The following ATP8A1 variants were observed in gnomAD, a reference collection of about 807,000 sequenced individuals.
ATP8A1 encodes phospholipid-transporting ATPase IA.
A neutral mutation model predicts 177.7 loss-of-function variants in ATP8A1; 90 were observed. The observed-to-expected ratio is 0.51, with a 90% CI of 0.43 to 0.60. ATP8A1 has a LOEUF of 0.60. Among genes scored for constraint, ATP8A1 ranks in the 20% least tolerant of loss-of-function variants. The pLI is 0.00. For synonymous variants in ATP8A1, 493 were observed against 485.9 expected (o/e 1.01, Z -0.19); for missense variants, 1,072 against 1,392.8 (o/e 0.77, Z 3.67).
At chr4:42,429,837 C>A (rs964379284) in intron 33 of ATP8A1, among the ~76,000 whole-genome samples, 1 of 152,296 alleles carries the variant, frequency 6.6e-6, no homozygotes, top group South Asian at 2.1e-4. Flanking sequence ...CATGGATGAA[C>A]CCTGAATACA....
intron 22 of ATP8A1, among the ~76,000 whole-genome samples, chr4:42,513,472 G>A (rs913545195): frequency 6.6e-6 from 1 of 152,120 alleles, no homozygotes; most frequent in Non-Finnish European, 1.5e-5. Flanking sequence ...GCTGACACTT[G>A]ACTTTAAATA....
chr4:42,600,700 A>G (rs1269393169), intron 5 of ATP8A1, among the ~76,000 whole-genome samples, 182 bp from the exon 6 acceptor site: 2 of 152,212 alleles, frequency 1.3e-5, no homozygotes, highest in Non-Finnish European at 2.9e-5. Flanking sequence ...GAAACAACCA[A>G]TGTATATTTT....
chr4:42,448,392 C>CTTACTTTACTTTTTTTT lies in ATP8A1; in HGVS notation c.2897-1749_2897-1748insAAAAAAAAGTAAAGTAA, dbSNP rs1560335169. ...ACAAGTAGCCTCCCTCCCTCCTTCT[C>CTTACTTTACTTTTTTTT]TTTCTTTTCTTTTTTTTTTTTTTGA... On this transcript the variant is annotated intron_variant, in intron 30 of 36. Coordinates refer to ENST00000381668, the MANE Select transcript of ATP8A1 (RefSeq NM_006095.2). 5.7e-3 allele frequency among the ~76,000 whole-genome samples: 114 copies of CTTACTTTACTTTTTTTT among 19,900 alleles called. 4 individuals are homozygous for CTTACTTTACTTTTTTTT. Among genetic ancestry groups the CTTACTTTACTTTTTTTT allele is most frequent in the African/African-American group, 9.2e-3 (114 of 12,358 alleles). The allele number at this position is 19,900 out of a possible 152,430, so 13.1% of individuals were successfully genotyped here.
intron 33 of ATP8A1, among the ~76,000 whole-genome samples, chr4:42,431,160 TAA>T (rs1176894618): frequency 1.3e-5 from 2 of 152,212 alleles, no homozygotes; most frequent in African/African-American, 4.8e-5. Flanking sequence ...ACTAAGTTAC[TAA>T]GTTATTGAAA....
chr4:42,458,754 C>T (rs1241771610), intron 27 of ATP8A1, among the ~76,000 whole-genome samples: 1 of 152,192 alleles, frequency 6.6e-6, no homozygotes, highest in African/African-American at 2.4e-5. Flanking sequence ...AAATTTCAGA[C>T]CTGCTTCTCC....
chr4:42,445,561 T>C (rs557273753), intron 31 of ATP8A1, among the ~76,000 whole-genome samples: 1 of 152,356 alleles, frequency 6.6e-6, no homozygotes, highest in African/African-American at 2.4e-5. Context: ...TGATGTTTGC[T>C]AGCACTTGAT....
At chr4:42,446,080 C>CA (rs11311245) in intron 31 of ATP8A1, among the ~76,000 whole-genome samples, 32,715 of 64,008 alleles carry the variant, frequency 0.51, 8,903 homozygotes, top group Middle Eastern at 0.65. Flanking sequence ...AACGCCCTCT[C>CA]AAAAAAAAAA....
chr4:42,619,193 T>G (rs751490372), intron 4 of ATP8A1, among the ~76,000 whole-genome samples: 1 of 152,072 alleles, frequency 6.6e-6, no homozygotes, highest in Non-Finnish European at 1.5e-5. Flanking sequence ...GTCGATCTCT[T>G]CTATTGGATA....
At chr4:42,460,870 G>A (rs1719052957) in intron 27 of ATP8A1, among the ~76,000 whole-genome samples, 1 of 152,164 alleles carries the variant, frequency 6.6e-6, no homozygotes, top group Admixed American at 6.5e-5. Flanking sequence ...GATCTGCAGA[G>A]CTCCAACAGG....
At chr4:42,585,196 CTG>C (rs1244576044) in intron 9 of ATP8A1, among the ~76,000 whole-genome samples, 1 of 152,198 alleles carries the variant, frequency 6.6e-6, no homozygotes, top group Non-Finnish European at 1.5e-5. Flanking sequence ...ATGAGGCTAA[CTG>C]TGACCACCCT....
intron 5 of ATP8A1, among the ~76,000 whole-genome samples, chr4:42,615,236 C>T (rs1333507698): frequency 2.6e-5 from 4 of 151,928 alleles, no homozygotes; most frequent in Non-Finnish European, 4.4e-5. Flanking sequence ...GCATATAATG[C>T]CTATTGTGGG....
rs1187679683 is a variant in ATP8A1, at chr4:42,412,240, A to T, written c.*676T>A. On this transcript the variant is annotated 3_prime_UTR_variant, in exon 37 of 37. Transcript: ENST00000381668. ...GCAACATCACCGATTTTAGTAGCAA[A>T]TGCCTTGAAATATTCATTTTTGTAA... 1 of 152,216 alleles carries T rather than the reference A, an allele frequency of 6.6e-6. No homozygotes were observed. The highest frequency in any genetic ancestry group is 6.5e-5 in the Admixed American group (1 of 15,274). 9.4% of individuals were successfully genotyped at this position (152,216 alleles called of 1,614,324 possible). A position where few individuals can be genotyped will look rare whatever the true frequency, so the allele number is the denominator to read the frequency against.
At chr4:42,479,277 C>T (rs1721409967) in intron 25 of ATP8A1, among the ~76,000 whole-genome samples, 1 of 152,208 alleles carries the variant, frequency 6.6e-6, no homozygotes, top group Admixed American at 6.5e-5. Flanking sequence ...GCAAAGCCTA[C>T]AGATACTTAC....
chr4:42,452,620 T>A (rs1718049453), intron 29 of ATP8A1, among the ~76,000 whole-genome samples: 1 of 152,210 alleles, frequency 6.6e-6, no homozygotes, highest in Non-Finnish European at 1.5e-5. Context: ...ACTAAAGGCT[T>A]TCACAATTTA....
At chr4:42,436,798 A>G (rs1716049820) in intron 33 of ATP8A1, among the ~76,000 whole-genome samples, 1 of 152,222 alleles carries the variant, frequency 6.6e-6, no homozygotes, top group East Asian at 1.9e-4. Context: ...AAATTACCAC[A>G]TGCTACGGAG....
chr4:42,446,269 T>TA (rs1235971689), intron 31 of ATP8A1, among the ~76,000 whole-genome samples: 1 of 152,032 alleles, frequency 6.6e-6, no homozygotes, highest in Non-Finnish European at 1.5e-5. Context: ...CCTGCAAACA[T>TA]ACTTTTGCTT....
chr4:42,455,543 A>C lies in ATP8A1; in HGVS notation c.2676T>G (p.Cys892Trp). ...AACTTACCACGTTATAGAGACCTAT[A>C]CACCATCTTTCAAAGAGGATCTGTC... is the stretch of plus-strand genomic sequence containing the variant. ...FSGQILFERW[C>W]IGLYNVMFTA... Residue 892 changes from cysteine to tryptophan, a missense_variant, in exon 28 of 37, where the codon TGT (cysteine) becomes TGG (tryptophan). This residue lies in a region of ATP8A1 where 316 missense variants were observed against 459.1 expected (regional missense o/e 0.69). Transcript: ENST00000381668. The C allele has an allele frequency of 6.2e-7, 1 of 1,613,828 alleles. No homozygotes were observed. Among genetic ancestry groups the C allele is most frequent in the Non-Finnish European group, 8.5e-7 (1 of 1,179,792 alleles).
In ATP8A1 at chr4:42,614,369, G is replaced by C. The variant is rs141713591; in HGVS notation, c.409+1664C>G. On this transcript the variant is annotated intron_variant, in intron 5 of 36. Transcript: ENST00000381668. The stretch of plus-strand genomic sequence containing the variant: ...CATTATGGGTTGGAAAAGCATTTAT[G>C]TACTTCTGTTTCAAAAGCTGTTACT... Among the ~76,000 whole-genome samples the C allele has an allele frequency of 4.8e-4, 73 of 152,298 alleles. No homozygotes were observed. In the East Asian group the frequency reaches 0.01, roughly 21 times the overall value.
rs529779744 is a variant in ATP8A1, at chr4:42,607,326, A to AT, written c.410-6809dup. Among the ~76,000 whole-genome samples the AT allele has an allele frequency of 5.3e-4, 81 of 152,366 alleles. No homozygotes were observed. The East Asian group carries it at 9.6e-3, about 18-fold the overall frequency. ...ATAAAGTTAAAAATCAGCTCACAAC[A>AT]TAAAAAAAAGTTTCCATACAAATCA... On this transcript the variant is annotated intron_variant, in intron 5 of 36. Coordinates refer to ENST00000381668, the MANE Select transcript of ATP8A1 (RefSeq NM_006095.2).
Sources: gnomAD v4.1 joint callset for allele counts (sites outside exome capture counted in the v4.1 genomes callset) on GRCh38, gnomAD v4.1.1 for gene constraint, gnomAD v4.1.1 regional missense constraint, MANE v1.5 for transcripts, NCBI Gene and HGNC (gene_info 2026-07-23, HGNC 2026-07-21) for gene names.